TCF7L2: variants seen among roughly 807,000 people sequenced by gnomAD.
The protein encoded by TCF7L2 is transcription factor 7-like 2.
A neutral mutation model predicts 77.9 loss-of-function variants in TCF7L2; 23 were observed. That is an observed-to-expected ratio of 0.30 (90% CI 0.21 to 0.42). The LOEUF is 0.42. Among genes scored for constraint, TCF7L2 ranks in the 10% least tolerant of loss-of-function variants. The pLI, the probability that TCF7L2 is intolerant of heterozygous loss-of-function variation, is 1.00. For missense variants in TCF7L2, 654 were observed against 793.1 expected (o/e 0.82, Z 2.11); for synonymous variants, 413 against 340.2 (o/e 1.21, Z -2.36).
At chr10:112,984,159 A>C (rs2041031701) in intron 4 of TCF7L2, among the ~76,000 whole-genome samples, 2 of 152,346 alleles carry the variant, frequency 1.3e-5, no homozygotes, top group South Asian at 4.1e-4. Flanking sequence ...ATCAGAAAGC[A>C]GTGTTGGTCA....
chr10:112,980,731 C>T (rs1457001513), intron 4 of TCF7L2, among the ~76,000 whole-genome samples: 1 of 152,056 alleles, frequency 6.6e-6, no homozygotes, highest in African/African-American at 2.4e-5. Flanking sequence ...GGGTTCATGC[C>T]GTTCTCCTAC....
chr10:113,062,987 C>G (rs1029331853), intron 5 of TCF7L2, among the ~76,000 whole-genome samples: 11 of 152,162 alleles, frequency 7.2e-5, no homozygotes, highest in Non-Finnish European at 1.2e-4. Flanking sequence ...TGCATCAGGT[C>G]TCTCATTTTA....
chr10:112,965,945 G>A (rs985353480), intron 4 of TCF7L2, among the ~76,000 whole-genome samples: 2 of 151,668 alleles, frequency 1.3e-5, no homozygotes, highest in South Asian at 2.1e-4. Flanking sequence ...AGGCTGAGGC[G>A]GGCGGATCAC....
intron 5 of TCF7L2, among the ~76,000 whole-genome samples, chr10:113,115,317 T>G (rs1322529421): frequency 6.6e-6 from 1 of 152,242 alleles, no homozygotes. Context: ...AAGAGCAGAC[T>G]TGATAATTAA....
At chr10:112,968,251 T>C (rs2037444816) in intron 4 of TCF7L2, among the ~76,000 whole-genome samples, 1 of 152,168 alleles carries the variant, frequency 6.6e-6, no homozygotes, top group South Asian at 2.1e-4. Context: ...TGGATCCACT[T>C]AGACATGGAT....
At chr10:113,045,527 TGGGC>T (rs2053286300) in intron 5 of TCF7L2, among the ~76,000 whole-genome samples, 1 of 152,058 alleles carries the variant, frequency 6.6e-6, no homozygotes, top group Non-Finnish European at 1.5e-5. Flanking sequence ...CTGGGCATGG[TGGGC>T]ATGGCTGGAG....
chr10:113,005,366 G>C (rs1195421185), intron 4 of TCF7L2, among the ~76,000 whole-genome samples: 2 of 152,206 alleles, frequency 1.3e-5, no homozygotes, highest in Non-Finnish European at 2.9e-5. Context: ...CAGGGTAGCT[G>C]TGGAGGGGTG....
At chr10:113,065,335 C>A (rs141551453) in intron 5 of TCF7L2, among the ~76,000 whole-genome samples, 18 of 152,322 alleles carry the variant, frequency 1.2e-4, no homozygotes, top group Non-Finnish European at 1.6e-4. Flanking sequence ...GGGCAGAGAC[C>A]AGAAGACATT....
intron 4 of TCF7L2, among the ~76,000 whole-genome samples, chr10:112,992,505 C>G (rs1412888975): frequency 6.6e-6 from 1 of 152,144 alleles, no homozygotes; most frequent in African/African-American, 2.4e-5. Flanking sequence ...TTTCTGGAAT[C>G]AAAAGGAGTG....
intron 4 of TCF7L2, among the ~76,000 whole-genome samples, chr10:113,007,665 C>T (rs547888919): frequency 1.1e-4 from 16 of 152,190 alleles, no homozygotes; most frequent in South Asian, 2.1e-4. Context: ...CTTTTACATT[C>T]GGAATGAATT....
intron 4 of TCF7L2, among the ~76,000 whole-genome samples, chr10:113,013,114 GTTTTT>G (rs35964949): frequency 1.8e-5 from 2 of 109,918 alleles, no homozygotes; most frequent in Admixed American, 1.9e-4. Flanking sequence ...TAAGCAAGTG[GTTTTT>G]TTTTTTTTTT....
chr10:113,068,984 G>C (rs2057609761), intron 5 of TCF7L2, among the ~76,000 whole-genome samples: 1 of 151,512 alleles, frequency 6.6e-6, no homozygotes, highest in African/African-American at 2.4e-5. Context: ...TTTGGATGGG[G>C]TGTTTGTGCC....
At chr10:113,073,848 G>A (rs1363880539) in intron 5 of TCF7L2, among the ~76,000 whole-genome samples, 1 of 152,220 alleles carries the variant, frequency 6.6e-6, no homozygotes, top group African/African-American at 2.4e-5. Context: ...CATCCTTGCG[G>A]CCTGGACGAC....
intron 5 of TCF7L2, among the ~76,000 whole-genome samples, chr10:113,063,752 G>A (rs1027874254): frequency 6.6e-6 from 1 of 152,166 alleles, no homozygotes; most frequent in Non-Finnish European, 1.5e-5. Flanking sequence ...AGAAAAAGGA[G>A]CCAAGAAAAG....
At chr10:112,973,815 C>CT (rs2038817835) in intron 4 of TCF7L2, among the ~76,000 whole-genome samples, 6 of 152,104 alleles carry the variant, frequency 3.9e-5, no homozygotes, top group Admixed American at 1.3e-4. Context: ...GGTCTTGAAC[C>CT]CTCACCTCAA....
intron 4 of TCF7L2, among the ~76,000 whole-genome samples, chr10:112,968,845 T>G (rs939685835): frequency 6.6e-6 from 1 of 152,188 alleles, no homozygotes; most frequent in African/African-American, 2.4e-5. Context: ...CCCAAAGTGC[T>G]GGGATTATAG....
chr10:113,042,255 C>T (rs2052588759), intron 5 of TCF7L2, among the ~76,000 whole-genome samples: 1 of 152,206 alleles, frequency 6.6e-6, no homozygotes, highest in Non-Finnish European at 1.5e-5. Flanking sequence ...TTTTCCTCTG[C>T]TGTGTCTTAG....
intron 5 of TCF7L2, among the ~76,000 whole-genome samples, chr10:113,045,896 T>G (rs1207275357): frequency 6.6e-6 from 1 of 152,202 alleles, no homozygotes; most frequent in Non-Finnish European, 1.5e-5. Flanking sequence ...TCAGGGTGTC[T>G]GTGTTGTCTA....
At chr10:112,964,822 T>TGGTGGTGGTGGTGATGGTGG (rs1554875168) in intron 4 of TCF7L2, among the ~76,000 whole-genome samples, 198 bp downstream of exon 4, 1 of 73,562 alleles carries the variant, frequency 1.4e-5, no homozygotes, top group Non-Finnish European at 2.7e-5. Flanking sequence ...TGGGGGGGGG[T>TGGTGGTGGTGGTGATGGTGG]TGAATCACTG....
Sources: allele counts gnomAD v4.1 joint callset (sites outside exome capture counted in the v4.1 genomes callset), GRCh38; gene constraint gnomAD v4.1.1; transcripts MANE v1.5; gene names NCBI Gene and HGNC (gene_info 2026-07-23, HGNC 2026-07-21).